The following CCDC60 variants were observed in gnomAD, a reference collection of about 807,000 sequenced individuals.
CCDC60 encodes the protein coiled-coil domain-containing protein 60.
In CCDC60, 54 loss-of-function variants were observed where a neutral mutation model predicts 63.5. That is an observed-to-expected ratio of 0.85 (90% CI 0.68 to 1.07). CCDC60 has a LOEUF of 1.07. CCDC60 is among the 50% of genes least tolerant of loss of function. CCDC60 has a pLI of 0.00. For missense variants in CCDC60, 651 were observed against 684.3 expected (o/e 0.95, Z 0.54); for synonymous variants, 206 against 238.8 (o/e 0.86, Z 1.27).
At chr12:119,360,070 T>C (rs1955760410) in intron 1 of CCDC60, among the ~76,000 whole-genome samples, 1 of 151,016 alleles carries the variant, frequency 6.6e-6, no homozygotes, top group African/African-American at 2.4e-5. Context: ...GACGGGGTGG[T>C]GGCCGGGCAG....
At chr12:119,396,273 T>G (rs1440974263) in intron 1 of CCDC60, among the ~76,000 whole-genome samples, 1 of 152,146 alleles carries the variant, frequency 6.6e-6, no homozygotes, top group Non-Finnish European at 1.5e-5. Context: ...CACCAGCCAT[T>G]GGACTTAGGG....
intron 9 of CCDC60, among the ~76,000 whole-genome samples, chr12:119,521,338 C>A (rs1171280598): frequency 6.6e-6 from 1 of 152,136 alleles, no homozygotes; most frequent in Non-Finnish European, 1.5e-5. Context: ...TCTACCCATG[C>A]TCAAGAATTG....
intron 1 of CCDC60, among the ~76,000 whole-genome samples, chr12:119,421,109 A>G (rs1367255149): frequency 6.6e-6 from 1 of 152,202 alleles, no homozygotes; most frequent in African/African-American, 2.4e-5. Context: ...GGGCACATTT[A>G]ACAGGAATTC....
intron 13 of CCDC60, among the ~76,000 whole-genome samples, chr12:119,533,059 C>T (rs1361896577): frequency 2.0e-5 from 3 of 152,186 alleles, no homozygotes; most frequent in Non-Finnish European, 4.4e-5. Context: ...TCCTATTTCT[C>T]CACATCCTCT....
chr12:119,406,176 AAT>A (rs113220833), intron 1 of CCDC60, among the ~76,000 whole-genome samples: 26,773 of 143,632 alleles, frequency 0.19, 2,688 homozygotes, highest in Middle Eastern at 0.28. Flanking sequence ...TGTCTCAAAA[AAT>A]ATATATATAT....
chr12:119,398,656 A>T (rs1003112646), intron 1 of CCDC60, among the ~76,000 whole-genome samples: 1 of 152,250 alleles, frequency 6.6e-6, no homozygotes, highest in African/African-American at 2.4e-5. Context: ...CAAATTGCTC[A>T]CTTTTCCTTT....
At chr12:119,347,347 C>T (rs1955608133) in intron 1 of CCDC60, among the ~76,000 whole-genome samples, 1 of 152,114 alleles carries the variant, frequency 6.6e-6, no homozygotes, top group African/African-American at 2.4e-5. Context: ...GGGTTGAATA[C>T]TTTGAGTAAA....
At chr12:119,346,441 TC>T (rs1229303066) in intron 1 of CCDC60, among the ~76,000 whole-genome samples, 2 of 152,134 alleles carry the variant, frequency 1.3e-5, no homozygotes, top group Non-Finnish European at 2.9e-5. Flanking sequence ...AGGATTTGAA[TC>T]CAGAACCAAG....
Position 119,369,352 on chromosome 12 carries a change from G to A in CCDC60, c.90+34086G>A, listed in dbSNP as rs562371010. 4.6e-5 allele frequency among the ~76,000 whole-genome samples: 7 copies of A among 152,330 alleles called. No individual in the cohort carries two copies. The South Asian group carries it at 1.5e-3, about 32-fold the overall frequency. The stretch of plus-strand genomic sequence containing the variant: ...GAAAAGGGTGAACACTGCAAGTGGA[G>A]AGCTGACAAACAGCATTCCTGGGGG... On this transcript the variant is annotated intron_variant, in intron 1 of 13. Coordinates refer to ENST00000327554, the MANE Select transcript of CCDC60 (RefSeq NM_178499.5).
chr12:119,434,674 T>C (rs1016304756), intron 2 of CCDC60, among the ~76,000 whole-genome samples: 1 of 151,978 alleles, frequency 6.6e-6, no homozygotes, highest in Non-Finnish European at 1.5e-5. Flanking sequence ...AATAAAGACA[T>C]AGCAGGGTGA....
chr12:119,453,684 A>G (rs539478411), intron 2 of CCDC60, among the ~76,000 whole-genome samples: 50 of 152,318 alleles, frequency 3.3e-4, no homozygotes, highest in African/African-American at 1.2e-3. Flanking sequence ...TGTGGGGCTT[A>G]CAGCCAAACC....
chr12:119,458,482 T>A (rs1950789572), intron 2 of CCDC60, among the ~76,000 whole-genome samples: 1 of 152,162 alleles, frequency 6.6e-6, no homozygotes, highest in Non-Finnish European at 1.5e-5. Flanking sequence ...AACACAGTGA[T>A]TTGTGGTAGT....
rs73406239 is a variant in CCDC60 at position 119,421,000 on chromosome 12, T to C, written c.91-7683T>C. Among the ~76,000 whole-genome samples, 2,127 of 152,296 alleles carry C rather than the reference T, an allele frequency of 0.014. 40 individuals are homozygous for C. Among genetic ancestry groups the C allele is most frequent in the African/African-American group, 0.047 (1,968 of 41,540 alleles). On this transcript the variant is annotated intron_variant, in intron 1 of 13. Coordinates refer to ENST00000327554, the MANE Select transcript of CCDC60 (RefSeq NM_178499.5). This position sits in a 1 kb window ranked among gnomAD's most constrained non-coding sequence, Gnocchi z 4.1. The stretch of plus-strand genomic sequence containing the variant: ...CCATAATGAGTCTGAAATTTGTTAA[T>C]CAGCAAGCTCGCTTCTCAGTGCTGT...
At chr12:119,535,226 T>C (rs998046699) in intron 13 of CCDC60, among the ~76,000 whole-genome samples, 13 of 152,328 alleles carry the variant, frequency 8.5e-5, no homozygotes, top group African/African-American at 2.9e-4. Context: ...TATTCTCTGA[T>C]GGTAGTTTGT....
chr12:119,448,780 C>T (rs1272507884), intron 2 of CCDC60, among the ~76,000 whole-genome samples: 2 of 152,104 alleles, frequency 1.3e-5, no homozygotes, highest in Non-Finnish European at 2.9e-5. Flanking sequence ...GCCTAGAAAC[C>T]AGAGCTGTGG....
intron 5 of CCDC60, among the ~76,000 whole-genome samples, chr12:119,492,447 C>T (rs1008575663): frequency 6.6e-6 from 1 of 152,172 alleles, no homozygotes; most frequent in African/African-American, 2.4e-5. Context: ...AATTATGAAT[C>T]TGGGGGGCAG....
chr12:119,483,348 C>G (rs1452181107), intron 4 of CCDC60, among the ~76,000 whole-genome samples: 1 of 152,198 alleles, frequency 6.6e-6, no homozygotes, highest in Non-Finnish European at 1.5e-5. Context: ...CCTGTGTGAT[C>G]GATCCCAAAA....
At position 119,409,487 on chromosome 12, in the gene CCDC60, G is replaced by A. The variant is rs558444043; in HGVS notation, c.91-19196G>A. Among the ~76,000 whole-genome samples, 14 of 152,280 alleles carry A rather than the reference G, an allele frequency of 9.2e-5. No individual in the cohort carries two copies. The South Asian group carries it at 2.7e-3, about 29-fold the overall frequency. On this transcript the variant is annotated intron_variant, in intron 1 of 13. Coordinates refer to ENST00000327554, the MANE Select transcript of CCDC60 (RefSeq NM_178499.5). ...AAGGTCTCCCTTGCAATGAGGAAGA[G>A]GAGGTATTGCAGCTACTAGGCAGCA...
chr12:119,459,815 C>T (rs1950823020), intron 2 of CCDC60, among the ~76,000 whole-genome samples: 1 of 152,182 alleles, frequency 6.6e-6, no homozygotes, highest in South Asian at 2.1e-4. Flanking sequence ...ATTCTTAAGC[C>T]CCTGCCCACC....
Sources: allele counts gnomAD v4.1 joint callset (sites outside exome capture counted in the v4.1 genomes callset), GRCh38; gene constraint gnomAD v4.1.1; non-coding constraint Gnocchi (gnomAD v3.1); transcripts MANE v1.5; gene names NCBI Gene and HGNC (gene_info 2026-07-23, HGNC 2026-07-21).